RABEPK: variants seen among roughly 807,000 people sequenced by gnomAD.
RABEPK encodes 40 kDa Rab9 effector protein.
Under a neutral mutation model 34.1 loss-of-function variants are expected in RABEPK, and 27 were observed. That is an observed-to-expected ratio of 0.79 (90% confidence interval 0.58 to 1.09). The LOEUF (loss-of-function observed/expected upper bound fraction) is 1.09, where lower values mean the gene tolerates loss of function less well. RABEPK is among the 50% of genes least tolerant of loss of function. The pLI is 0.00. For missense variants in RABEPK, 449 were observed against 462.6 expected, an observed-to-expected ratio of 0.97 and a Z score of 0.27; for synonymous variants, 172 against 169.2, an observed-to-expected ratio of 1.02 and a Z score of -0.13.
At chr9:125,207,487 T>C (rs1006214719) in intron 2 of RABEPK, 77 bp from the exon 3 acceptor site, 2 of 1,457,830 alleles carry the variant, frequency 1.4e-6, no homozygotes, top group Non-Finnish European at 1.9e-6. Context: ...TGGTGAATAT[T>C]TCATGAGGAA....
intron 7 of RABEPK, among the ~76,000 whole-genome samples, chr9:125,233,021 T>C (rs1832314891): frequency 6.8e-6 from 1 of 147,706 alleles, no homozygotes. Context: ...GAGGTTGCAG[T>C]GAGCTGAGAT....
chr9:125,230,119 A>G (rs1832064479), intron 6 of RABEPK, among the ~76,000 whole-genome samples: 1 of 152,050 alleles, frequency 6.6e-6, no homozygotes, highest in Admixed American at 6.6e-5. Flanking sequence ...ACGTGCTACA[A>G]CACCCAGATA....
chr9:125,222,713 CAAAAAAA>C (rs756826019), intron 5 of RABEPK, among the ~76,000 whole-genome samples: 2 of 48,376 alleles, frequency 4.1e-5, no homozygotes, highest in Non-Finnish European at 7.6e-5. Context: ...GACTCTGTAT[CAAAAAAA>C]AAAAAAAAAA....
In RABEPK at chr9:125,210,331, G is replaced by C. The variant is rs546396218; in HGVS notation, c.211+2610G>C. ...AGGCAGGAGAATGGCGTGAATCCGG[G>C]AGGCGGAGCTTGCAGTGAGTGGAGA... On this transcript the variant is annotated intron_variant, in intron 3 of 7. Transcript: ENST00000373538. 2.6e-5 allele frequency among the ~76,000 whole-genome samples: 4 copies of C among 151,222 alleles called. No homozygotes were observed. The East Asian group carries it at 7.8e-4, about 29-fold the overall frequency.
In RABEPK at chr9:125,220,630, A is replaced by G. The variant is rs750974908; in HGVS notation, c.456A>G (p.Leu152=). Residue 152 remains leucine, a synonymous_variant, in exon 5 of 8, where the codon CTA becomes CTG. Coordinates refer to ENST00000373538, the MANE Select transcript of RABEPK (RefSeq NM_005833.4). ...CATCGGCAGCCATTGGAAACCAGCT[A>G]TATGTCTTTGGGGGCGGAGAGAGAG... ...HTSSAAIGNQ[L]YVFGGGERGA... The G allele has an allele frequency of 2.5e-5, 40 of 1,614,046 alleles. No homozygotes were observed. The Admixed American group carries it at 5.2e-4, about 21-fold the overall frequency.
chr9:125,204,965 CTGTTGG>C (rs1830127763), intron 2 of RABEPK, among the ~76,000 whole-genome samples: 2 of 152,136 alleles, frequency 1.3e-5, no homozygotes. Context: ...GTAACTGGGA[CTGTTGG>C]TGTGTACTAC....
intron 6 of RABEPK, among the ~76,000 whole-genome samples, chr9:125,229,654 G>T (rs1048016414): frequency 6.6e-6 from 1 of 152,176 alleles, no homozygotes; most frequent in Non-Finnish European, 1.5e-5. Flanking sequence ...ATTATGCTTT[G>T]TGTTGGCCTA....
chr9:125,221,422 G>T (rs562403413), intron 5 of RABEPK: 2 of 151,512 alleles, frequency 1.3e-5, no homozygotes, highest in African/African-American at 4.8e-5. Context: ...ACTTGAACCC[G>T]GGAGGCGGAG....
chr9:125,231,603 C>A (rs1414861366), intron 6 of RABEPK, among the ~76,000 whole-genome samples: 1 of 151,998 alleles, frequency 6.6e-6, no homozygotes, highest in Non-Finnish European at 1.5e-5. Context: ...GAGTTCAAGA[C>A]CAGCCTGGCC....
At chr9:125,204,945 C>T (rs1830126002) in intron 2 of RABEPK, among the ~76,000 whole-genome samples, 1 of 152,104 alleles carries the variant, frequency 6.6e-6, no homozygotes, top group Non-Finnish European at 1.5e-5. Flanking sequence ...TTCCCATCTC[C>T]ATCTCCCAAG....
chr9:125,220,957 A>G lies in RABEPK; in HGVS notation c.526+257A>G, dbSNP rs1158809880. 4 of 347,586 alleles carry G rather than the reference A, an allele frequency of 1.2e-5. No individual in the cohort carries two copies. The East Asian group carries it at 1.5e-4, about 13-fold the overall frequency. The allele number at this position is 347,586 out of a possible 1,614,324, so 21.5% of individuals were successfully genotyped here. A position where few individuals can be genotyped will look rare whatever the true frequency, so the allele number is the denominator to read the frequency against. Reference sequence around the variant, plus strand: ...TGAGGCAGGTGGACCGCTTAAGGTCAGGAGTTCGAGAACAGCCTGGCCAAC... The same window carrying G: ...TGAGGCAGGTGGACCGCTTAAGGTCGGGAGTTCGAGAACAGCCTGGCCAAC... On this transcript the variant is annotated intron_variant, in intron 5 of 7. Transcript: ENST00000373538.
At chr9:125,218,733 T>TTC (rs975344520) in intron 4 of RABEPK, among the ~76,000 whole-genome samples, 1 of 151,476 alleles carries the variant, frequency 6.6e-6, no homozygotes, top group African/African-American at 2.4e-5. Context: ...CTCTCTCTCT[T>TTC]TCTCTCTCTC....
In RABEPK at chr9:125,200,586, GTC is replaced by G. The variant is rs1161217379; in HGVS notation, c.-326_-325del. On this transcript the variant is annotated 5_prime_UTR_variant, in exon 1 of 8. Transcript: ENST00000373538. ...GGCCTAAGTCGCCGCAGGTATTGCA[GTC>G]CGGGGCTGGAGGGTAGGGGCGAGGG... is the stretch of plus-strand genomic sequence containing the variant. 1 of 429,546 alleles carries G rather than the reference GTC, an allele frequency of 2.3e-6. No homozygotes were observed. The highest frequency in any genetic ancestry group is 2.5e-5 in the Admixed American group (1 of 39,222). The allele number at this position is 429,546 out of a possible 1,614,324, so 26.6% of individuals were successfully genotyped here.
At chr9:125,218,454 T>TC (rs879335421) in intron 4 of RABEPK, among the ~76,000 whole-genome samples, 1 of 151,794 alleles carries the variant, frequency 6.6e-6, no homozygotes, top group Non-Finnish European at 1.5e-5. Flanking sequence ...TAGAGATACT[T>TC]CCGCTCACTT....
chr9:125,232,146 G>A (rs868246324), intron 6 of RABEPK, among the ~76,000 whole-genome samples: 5 of 151,602 alleles, frequency 3.3e-5, no homozygotes, highest in South Asian at 2.1e-4. Context: ...TGATCCGCCC[G>A]CCTCGGCCTC....
chr9:125,221,873 C>T (rs1180672382), intron 5 of RABEPK: 5 of 152,228 alleles, frequency 3.3e-5, no homozygotes, highest in African/African-American at 1.2e-4. Flanking sequence ...GACAGGGTTT[C>T]ACCATGTTGG....
rs561296864 is a variant in RABEPK, at chr9:125,219,670, T to C, written c.365-869T>C. Among the ~76,000 whole-genome samples the C allele has an allele frequency of 2.1e-3, 316 of 152,166 alleles. 1 individual carries two copies. The highest frequency in any genetic ancestry group is 7.3e-3 in the African/African-American group (305 of 41,520). ...CACCCACCTTGGTCTCCCAAAGTGCTGGGATTACAAGCGTGAGCCACTGCA... is the reference window on the plus strand; with the variant it reads ...CACCCACCTTGGTCTCCCAAAGTGCCGGGATTACAAGCGTGAGCCACTGCA... On this transcript the variant is annotated intron_variant, in intron 4 of 7. Coordinates refer to ENST00000373538, the MANE Select transcript of RABEPK (RefSeq NM_005833.4).
chr9:125,233,459 C>T (rs955000037), intron 7 of RABEPK, among the ~76,000 whole-genome samples: 4 of 151,324 alleles, frequency 2.6e-5, no homozygotes, highest in Admixed American at 2.6e-4. Flanking sequence ...CTGCCTCAGC[C>T]TCCCGAGTAG....
At chr9:125,213,217 A>G (rs1489557242) in intron 3 of RABEPK, among the ~76,000 whole-genome samples, 153 bp from the exon 4 acceptor site, 2 of 152,148 alleles carry the variant, frequency 1.3e-5, no homozygotes, top group Non-Finnish European at 2.9e-5. Context: ...AGTATCTATT[A>G]TAGAATTTTC....
Sources: gnomAD v4.1 joint callset for allele counts (sites outside exome capture counted in the v4.1 genomes callset) on GRCh38, gnomAD v4.1.1 for gene constraint, MANE v1.5 for transcripts, NCBI Gene and HGNC (gene_info 2026-07-23, HGNC 2026-07-21) for gene names.